The following KIF1C variants were observed in gnomAD, a reference collection of about 807,000 sequenced individuals.
KIF1C encodes kinesin family member 1C.
Under a neutral mutation model 126.5 loss-of-function variants are expected in KIF1C, and 61 were observed. The ratio of observed to expected loss-of-function variants is 0.48; its 90% CI spans 0.39 to 0.60. The LOEUF (loss-of-function observed/expected upper bound fraction) is 0.60, where lower values mean the gene tolerates loss of function less well. Among genes scored for constraint, KIF1C ranks in the 20% least tolerant of loss-of-function variants. The pLI, the probability that KIF1C is intolerant of heterozygous loss-of-function variation, is 0.00. For missense variants in KIF1C, 1,315 were observed against 1,489.2 expected (o/e 0.88, Z 1.93); for synonymous variants, 640 against 580.6 (o/e 1.10, Z -1.47).
rs1567730965 is a variant in KIF1C at position 5,025,968 on chromosome 17, CATTTTCAT to C, written c.*1818_*1825del. ...GGCTTGCCAGACTCTGGAGTCCCCACATTTTCATCCTGTTCTCAGGAAAACACTTTGAC... is the reference window on the plus strand; with the variant it reads ...GGCTTGCCAGACTCTGGAGTCCCCACCCTGTTCTCAGGAAAACACTTTGAC... On this transcript the variant is annotated 3_prime_UTR_variant, in exon 23 of 23. Coordinates refer to ENST00000320785, the MANE Select transcript of KIF1C (RefSeq NM_006612.6). 1.3e-5 allele frequency: 2 copies of C among 152,208 alleles called. No homozygotes were observed. The highest frequency in any genetic ancestry group is 2.9e-5 in the Non-Finnish European group (2 of 68,058). 9.4% of individuals were successfully genotyped at this position (152,208 alleles called of 1,614,324 possible).
chr17:5,015,302 G>A, intron 18 of KIF1C, among the ~76,000 whole-genome samples: 1 of 150,618 alleles, frequency 6.6e-6, no homozygotes, highest in East Asian at 1.9e-4. Flanking sequence ...TTTTTTTTGA[G>A]ACGGAGTGTT....
rs748733484 is a variant in KIF1C at position 5,007,284 on chromosome 17, G to C, written c.1357G>C (p.Glu453Gln). The C allele has an allele frequency of 2.5e-6, 4 of 1,610,966 alleles. No individual in the cohort carries two copies. The highest frequency in any genetic ancestry group is 2.2e-5 in the South Asian group (2 of 90,708). ...CCAGGAGACAGAGAAGATTATAGCT[G>C]AGCTGAACGAGACATGGGAGGAGAA... Reference protein sequence around the residue: ...RLQETEKIIAELNETWEEKLR... With the variant: ...RLQETEKIIAQLNETWEEKLR... The change falls in exon 15 of 23, where the codon GAG (glutamate) becomes CAG (glutamine). Residue 453 changes from glutamate (E) to glutamine (Q), a missense_variant. This residue lies in a region of KIF1C where 874 missense variants were observed against 1,053.2 expected (regional missense o/e 0.83). Transcript: ENST00000320785.
rs899515272 is a variant in KIF1C, at chr17:5,026,833, A to T, written c.*2682A>T. ...CCAGGCACAGTGGCTCACACCCGTA[A>T]TCCCAACACTTTGGAATATTAGGGT... is the stretch of plus-strand genomic sequence containing the variant. On this transcript the variant is annotated 3_prime_UTR_variant, in exon 23 of 23. Transcript: ENST00000320785. 1 of 151,806 alleles carries T rather than the reference A, an allele frequency of 6.6e-6. No individual in the cohort carries two copies. Among genetic ancestry groups the T allele is most frequent in the African/African-American group, 2.4e-5 (1 of 41,276 alleles). 9.4% of individuals were successfully genotyped at this position (151,806 alleles called of 1,614,324 possible). A position where few individuals can be genotyped will look rare whatever the true frequency, so the allele number is the denominator to read the frequency against.
chr17:5,005,647 G>C (rs1485018364), intron 13 of KIF1C, among the ~76,000 whole-genome samples: 1 of 152,146 alleles, frequency 6.6e-6, no homozygotes, highest in African/African-American at 2.4e-5. Context: ...AAAGCAGTAA[G>C]GACTTTTTAT....
intron 16 of KIF1C, chr17:5,011,512 C>T (rs1468371503): frequency 2.6e-5 from 4 of 152,196 alleles, no homozygotes; most frequent in African/African-American, 9.7e-5. Flanking sequence ...AGTTATAGGG[C>T]TGAAGAAAAA....
At chr17:5,012,206 T>TA (rs1167157918) in intron 16 of KIF1C, 3 of 152,156 alleles carry the variant, frequency 2.0e-5, no homozygotes, top group Non-Finnish European at 4.4e-5. Context: ...GTACCCCGCC[T>TA]AGCGCTTCAC....
intron 11 of KIF1C, 36 bp downstream of exon 11, chr17:5,004,109 C>T: frequency 1.4e-6 from 2 of 1,386,982 alleles, no homozygotes; most frequent in Non-Finnish European, 2.1e-6. Context: ...CCGACCCTGA[C>T]ACATCCCACA....
chr17:5,020,497 A>C lies in KIF1C; in HGVS notation c.1756A>C (p.Arg586=). The change falls in exon 20 of 23, where the codon AGG becomes CGG. Residue 586 remains arginine, a synonymous_variant. Transcript: ENST00000320785. The surrounding 1 kb of genome is among the most constrained non-coding windows in gnomAD (Gnocchi z 5.8). The part of the protein sequence containing the change: ...TEPLVLKSGN[R]IVMGKNHVFR... ...TTCCCTCCTCCCATCTCTAGGGAAT[A>C]GGATTGTGATGGGCAAGAACCACGT... 6.2e-7 allele frequency: 1 copy of C among 1,611,862 alleles called. No individual in the cohort carries two copies. The highest frequency in any genetic ancestry group is 8.5e-7 in the Non-Finnish European group (1 of 1,178,806).
chr17:5,022,679 C>T lies in KIF1C; in HGVS notation c.2598C>T (p.Leu866=), dbSNP rs780641129. 7 of 1,572,110 alleles carry T rather than the reference C, an allele frequency of 4.5e-6. No homozygotes were observed. Among genetic ancestry groups the T allele is most frequent in the Non-Finnish European group, 6.0e-6 (7 of 1,159,190 alleles). ...RELQALRDRM[L]RMERVIPLAQ... is the part of the protein sequence containing the mutation. ...TGCAGGCCCTGCGGGACCGCATGCT[C>T]CGCATGGAGAGGGTCATCCCCCTGG... Residue 866 remains leucine, a synonymous_variant, in exon 22 of 23, where the codon CTC becomes CTT. Transcript: ENST00000320785. The surrounding 1 kb of genome is among the most constrained non-coding windows in gnomAD (Gnocchi z 4.9).
intron 14 of KIF1C, 78 bp from the exon 15 acceptor site, chr17:5,007,185 G>T (rs1974754374): frequency 2.1e-5 from 33 of 1,562,002 alleles, no homozygotes; most frequent in Non-Finnish European, 2.9e-5. Flanking sequence ...GGAGTAGCAT[G>T]GCCCCAGGGT....
Position 5,023,021 on chromosome 17 carries a change from T to C in KIF1C, c.2628+312T>C, listed in dbSNP as rs1212869600. Among the ~76,000 whole-genome samples the C allele has an allele frequency of 1.3e-5, 2 of 152,170 alleles. No homozygotes were observed. Among genetic ancestry groups the C allele is most frequent in the Non-Finnish European group, 2.9e-5 (2 of 68,030 alleles). On this transcript the variant is annotated intron_variant, in intron 22 of 22. Transcript: ENST00000320785. This position sits in a 1 kb window ranked among gnomAD's most constrained non-coding sequence, Gnocchi z 4.2. ...ACCCACTGATATAAAGTTTGCAGTT[T>C]TGTTTTGTTTCTGAGGTGAAGTCTT...
chr17:5,007,443 C>T (rs374189507), intron 15 of KIF1C, 24 bp from the exon 16 acceptor site: 1 of 1,607,694 alleles, frequency 6.2e-7, no homozygotes, highest in South Asian at 1.1e-5. Flanking sequence ...GTAAGACTGA[C>T]ATTTGCCTCT....
Position 5,009,495 on chromosome 17 carries a change from A to G in KIF1C, c.1491+1953A>G, listed in dbSNP as rs995810634. On this transcript the variant is annotated intron_variant, in intron 16 of 22. Coordinates refer to ENST00000320785, the MANE Select transcript of KIF1C (RefSeq NM_006612.6). ...GCCAGGCCCATTATGGGTTCTTACT[A>G]TATTCTCCTTGGGTCGGGCCTGGTG... 2.0e-5 allele frequency among the ~76,000 whole-genome samples: 3 copies of G among 151,644 alleles called. No homozygotes were observed. In the East Asian group the frequency reaches 6.0e-4, roughly 30 times the overall value.
intron 3 of KIF1C, 23 bp downstream of exon 3, chr17:5,000,375 G>A (rs776997909): frequency 4.7e-6 from 7 of 1,491,426 alleles, no homozygotes; most frequent in Non-Finnish European, 4.6e-6. Flanking sequence ...CCGGGGCCTG[G>A]CTGGGCACAG....
At position 5,006,972 on chromosome 17, in the gene KIF1C, C is replaced by T; in HGVS notation, c.1223C>T (p.Pro408Leu). The T allele has an allele frequency of 6.2e-7, 1 of 1,610,684 alleles. No individual in the cohort carries two copies. The highest frequency in any genetic ancestry group is 8.5e-7 in the Non-Finnish European group (1 of 1,179,098). ...RGALPAVSSP[P>L]APVSPSSPTT... ...GCCCTGCCAGCTGTGTCATCTCCCCCAGCTCCAGTTTCACCCTCATCACCC... is the reference window on the plus strand; with the variant it reads ...GCCCTGCCAGCTGTGTCATCTCCCCTAGCTCCAGTTTCACCCTCATCACCC... The change falls in exon 14 of 23, where the codon CCA becomes CTA. Residue 408 changes from proline (P) to leucine (L), a missense_variant. Pro to Leu is a moderately conservative substitution (Grantham distance 98). Around this residue, in one of 2 missense-constraint regions of KIF1C, gnomAD observed 874 missense variants for 1,053.2 expected, o/e 0.83. Transcript: ENST00000320785.
In KIF1C at chr17:5,007,419, C is replaced by T. The variant is rs528319527; in HGVS notation, c.1416-48C>T. 16 of 1,610,602 alleles carry T rather than the reference C, an allele frequency of 9.9e-6. No homozygotes were observed. The African/African-American group carries it at 1.6e-4, about 16-fold the overall frequency. On this transcript the variant is annotated intron_variant, in intron 15 of 22. Transcript: ENST00000320785. ...GGTCAGGCCCCACAGGGAAGGAGGTCACGGGCAGTGAAGGTAAGACTGACA... is the reference window on the plus strand; with the variant it reads ...GGTCAGGCCCCACAGGGAAGGAGGTTACGGGCAGTGAAGGTAAGACTGACA...
chr17:5,020,683 G>T lies in KIF1C; in HGVS notation c.1937+5G>T. 1 of 1,613,270 alleles carries T rather than the reference G, an allele frequency of 6.2e-7. No individual in the cohort carries two copies. On this transcript the variant is annotated splice_donor_5th_base_variant and intron_variant, in intron 20 of 22. Coordinates refer to ENST00000320785, the MANE Select transcript of KIF1C (RefSeq NM_006612.6). This position sits in a 1 kb window ranked among gnomAD's most constrained non-coding sequence, Gnocchi z 5.8. Reference sequence around the variant, plus strand: ...AAAGCTGGAAATGGAGAAGAGGTGCGAGGGGGTTACCCACGTGCCCCATGG... The same window carrying T: ...AAAGCTGGAAATGGAGAAGAGGTGCTAGGGGGTTACCCACGTGCCCCATGG...
intron 18 of KIF1C, among the ~76,000 whole-genome samples, chr17:5,017,470 A>T (rs1256408387): frequency 6.6e-6 from 1 of 151,232 alleles, no homozygotes; most frequent in Non-Finnish European, 1.5e-5. Flanking sequence ...CACCCGGCTC[A>T]TTTTTTTGTA....
intron 18 of KIF1C, chr17:5,019,604 C>CA (rs967419735): frequency 1.3e-5 from 3 of 226,108 alleles, no homozygotes; most frequent in African/African-American, 7.0e-5. Context: ...CTGGAGGAGC[C>CA]CAGGCCCCAC....
Sources: gnomAD v4.1 joint callset for allele counts (sites outside exome capture counted in the v4.1 genomes callset) on GRCh38, gnomAD v4.1.1 for gene constraint, gnomAD v4.1.1 regional missense constraint, Gnocchi (gnomAD v3.1) non-coding constraint, MANE v1.5 for transcripts, NCBI Gene and HGNC (gene_info 2026-07-23, HGNC 2026-07-21) for gene names.